INSR: variants seen among roughly 807,000 people sequenced by gnomAD.
INSR encodes insulin receptor.
Under a neutral mutation model 142.6 loss-of-function variants are expected in INSR, and 67 were observed. The ratio of observed to expected loss-of-function variants is 0.47; its 90% CI spans 0.39 to 0.58. The LOEUF (loss-of-function observed/expected upper bound fraction) is 0.58. Ranked by LOEUF, INSR falls within the 20% of genes least tolerant of loss-of-function variation. The pLI is 0.00. For synonymous variants in INSR, 756 were observed against 743.1 expected (o/e 1.02, Z -0.28); for missense variants, 1,248 against 1,833.2 (o/e 0.68, Z 5.83).
Position 7,217,417 on chromosome 19 carries a change from A to G in INSR, c.653-32780T>C, listed in dbSNP as rs538227095. Among the ~76,000 whole-genome samples, 7 of 152,216 alleles carry G rather than the reference A, an allele frequency of 4.6e-5. No individual in the cohort carries two copies. The East Asian group carries it at 1.4e-3, about 29-fold the overall frequency. On this transcript the variant is annotated intron_variant, in intron 2 of 21. Coordinates refer to ENST00000302850, the MANE Select transcript of INSR (RefSeq NM_000208.4). ...GAGCCTTGTGCCAAGTGAGGTACCA[A>G]ATTCACAGGTGACAGGGATTACGAT...
intron 1 of INSR, among the ~76,000 whole-genome samples, chr19:7,272,407 C>T (rs769052495): frequency 1.3e-4 from 20 of 152,046 alleles, no homozygotes; most frequent in Non-Finnish European, 2.9e-4. Flanking sequence ...CACCTGAGGT[C>T]GGGAGTTGGA....
intron 2 of INSR, 95 bp from the exon 3 acceptor site, chr19:7,184,732 T>C (rs944641551): frequency 1.0e-4 from 101 of 1,002,962 alleles, no homozygotes; most frequent in Non-Finnish European, 1.3e-4. Flanking sequence ...CCTGTCTGCA[T>C]ATGCAGCAAT....
intron 11 of INSR, among the ~76,000 whole-genome samples, chr19:7,148,645 T>C (rs890970898): frequency 1.1e-4 from 17 of 149,604 alleles, no homozygotes; most frequent in Non-Finnish European, 2.4e-4. Context: ...GCCCGGCTAA[T>C]TTTTATATTT....
chr19:7,249,796 T>A (rs111953345), intron 2 of INSR, among the ~76,000 whole-genome samples: 1 of 152,020 alleles, frequency 6.6e-6, no homozygotes, highest in Admixed American at 6.6e-5. Context: ...ATCGAGACCA[T>A]CCTGGCTAAC....
In INSR at chr19:7,294,032, C is replaced by T; in HGVS notation, c.-141G>A. The T allele has an allele frequency of 1.0e-6, 1 of 961,520 alleles. No homozygotes were observed. Among genetic ancestry groups the T allele is most frequent in the Non-Finnish European group, 1.3e-6 (1 of 779,326 alleles). 59.6% of individuals were successfully genotyped at this position (961,520 alleles called of 1,614,324 possible). A position where few individuals can be genotyped will look rare whatever the true frequency, so the allele number is the denominator to read the frequency against. On this transcript the variant is annotated 5_prime_UTR_variant, in exon 1 of 22. Transcript: ENST00000302850. ...GCCCGCGACCCGCGGGCCGCAGCCCCCCTGCCGGGGAGGGCCCAGAGGCAG... is the reference window on the plus strand; with the variant it reads ...GCCCGCGACCCGCGGGCCGCAGCCCTCCTGCCGGGGAGGGCCCAGAGGCAG...
chr19:7,157,137 T>A (rs1327243093), intron 9 of INSR, among the ~76,000 whole-genome samples: 4 of 152,150 alleles, frequency 2.6e-5, no homozygotes, highest in Non-Finnish European at 1.5e-5. Context: ...TGCACCACCA[T>A]GCCCGGCTAA....
At chr19:7,187,132 A>T (rs1237330563) in intron 2 of INSR, among the ~76,000 whole-genome samples, 7 of 151,108 alleles carry the variant, frequency 4.6e-5, no homozygotes. Context: ...CTCAGGCTGG[A>T]GTGCAGTGAC....
At chr19:7,214,957 C>A (rs778786598) in intron 2 of INSR, among the ~76,000 whole-genome samples, 5 of 150,760 alleles carry the variant, frequency 3.3e-5, no homozygotes, top group Non-Finnish European at 5.9e-5. Flanking sequence ...TCTTCCCTGT[C>A]TTCCCAGCTT....
At chr19:7,163,925 TAA>T (rs748862314) in intron 8 of INSR, among the ~76,000 whole-genome samples, 5 of 44,596 alleles carry the variant, frequency 1.1e-4, no homozygotes, top group African/African-American at 2.3e-4. Context: ...CTATCTCTAC[TAA>T]AAAAAAAAAA....
intron 1 of INSR, among the ~76,000 whole-genome samples, chr19:7,288,268 AG>A (rs1468831338): frequency 2.0e-5 from 3 of 152,012 alleles, no homozygotes; most frequent in African/African-American, 7.3e-5. Flanking sequence ...CAGGAGGCGG[AG>A]GCAAGCAGGT....
At chr19:7,262,036 A>C (rs1300902874) in intron 2 of INSR, among the ~76,000 whole-genome samples, 1 of 152,184 alleles carries the variant, frequency 6.6e-6, no homozygotes, top group Non-Finnish European at 1.5e-5. Flanking sequence ...ACGGATGTTC[A>C]CAGAAGTATC....
chr19:7,162,326 CAAA>C (rs34182944), intron 9 of INSR, among the ~76,000 whole-genome samples: 29 of 63,080 alleles, frequency 4.6e-4, no homozygotes, highest in Non-Finnish European at 6.4e-4. Context: ...GACCCTGTCT[CAAA>C]AAAAAAAAAA....
chr19:7,281,724 C>G (rs10404166), intron 1 of INSR, among the ~76,000 whole-genome samples: 11,509 of 152,084 alleles, frequency 0.076, 1,486 homozygotes, highest in African/African-American at 0.26. Flanking sequence ...TTTAAAAAAG[C>G]AGTTGCATCC....
chr19:7,205,169 G>A lies in INSR; in HGVS notation c.653-20532C>T, dbSNP rs144272435. Among the ~76,000 whole-genome samples, 262 of 152,296 alleles carry A rather than the reference G, an allele frequency of 1.7e-3. 1 individual carries two copies. Among genetic ancestry groups the A allele is most frequent in the Non-Finnish European group, 3.1e-3 (208 of 68,018 alleles). On this transcript the variant is annotated intron_variant, in intron 2 of 21. Transcript: ENST00000302850. ...TCTATCAACAGATCTGAGCTCCTACGGAGTGTCCGGCACCATCTGAGCTCC... is the reference window on the plus strand; with the variant it reads ...TCTATCAACAGATCTGAGCTCCTACAGAGTGTCCGGCACCATCTGAGCTCC...
intron 2 of INSR, among the ~76,000 whole-genome samples, chr19:7,228,325 T>A (rs760943396): frequency 1.2e-4 from 19 of 152,250 alleles, no homozygotes; most frequent in Admixed American, 5.2e-4. Flanking sequence ...ATAAATCTGC[T>A]GTCATTATAC....
chr19:7,207,938 A>AAGGAAGGAAGGAAGGAAGGAAGGGAGGG (rs1600018281), intron 2 of INSR, among the ~76,000 whole-genome samples: 2 of 123,928 alleles, frequency 1.6e-5, no homozygotes, highest in East Asian at 5.5e-4. Flanking sequence ...GGAAGGAAGG[A>AAGGAAGGAAGGAAGGAAGGAAGGGAGGG]AGGGAAGGAG....
At position 7,135,304 on chromosome 19, in the gene INSR, C is replaced by CTTT. The variant is rs34080394; in HGVS notation, c.2683-2990_2683-2988dup. On this transcript the variant is annotated intron_variant, in intron 13 of 21. Transcript: ENST00000302850. ...CCAGGACAAAGGGGAAATGCATCTT[C>CTTT]TTTTTTTTTTTTTTTTTTTTTTTTT... 1.2e-3 allele frequency among the ~76,000 whole-genome samples: 71 copies of CTTT among 60,062 alleles called. 6 individuals carry two copies. Among genetic ancestry groups the CTTT allele is most frequent in the South Asian group, 3.2e-3 (4 of 1,246 alleles). The allele number at this position is 60,062 out of a possible 152,430, so 39.4% of individuals were successfully genotyped here.
rs147505172 is a variant in INSR, at chr19:7,273,191, A to G, written c.101-5295T>C. Among the ~76,000 whole-genome samples the G allele has an allele frequency of 2.4e-4, 37 of 152,358 alleles. No individual in the cohort carries two copies. The East Asian group carries it at 4.2e-3, about 17-fold the overall frequency. On this transcript the variant is annotated intron_variant, in intron 1 of 21. Transcript: ENST00000302850. ...TGTTATGAGTAAAGATTAAACAGCT[A>G]TAATTGTAGGGAACAATCAAGAATT...
At chr19:7,184,197 C>T (rs1458659228) in intron 3 of INSR, 119 bp downstream of exon 3, 1 of 871,252 alleles carries the variant, frequency 1.1e-6, no homozygotes, top group Admixed American at 2.0e-5. Flanking sequence ...AGAGCAGAGA[C>T]CTCACTCATA....
Sources: allele counts gnomAD v4.1 joint callset (sites outside exome capture counted in the v4.1 genomes callset), GRCh38; gene constraint gnomAD v4.1.1; transcripts MANE v1.5; gene names NCBI Gene and HGNC (gene_info 2026-07-23, HGNC 2026-07-21).